CCNY: variants seen among roughly 807,000 people sequenced by gnomAD.
CCNY encodes the protein cyclin-Y.
CCNY carries 19 observed loss-of-function variants against 42.8 expected under a neutral mutation model. That is an observed-to-expected ratio of 0.44 (90% confidence interval 0.31 to 0.65). CCNY has a LOEUF of 0.65. CCNY is among the 30% of genes least tolerant of loss of function. CCNY has a pLI of 0.07. For synonymous variants in CCNY, 165 were observed against 162.7 expected (o/e 1.01, Z -0.11); for missense variants, 370 against 437.3 (o/e 0.85, Z 1.37).
At chr10:35,443,555 A>G (rs116443430) in intron 1 of CCNY, among the ~76,000 whole-genome samples, 3,076 of 152,302 alleles carry the variant, frequency 0.02, 88 homozygotes, top group African/African-American at 0.06. Flanking sequence ...TCTGTAGAAA[A>G]TGAAGTAGAG....
intron 1 of CCNY, among the ~76,000 whole-genome samples, chr10:35,407,779 A>G (rs1174738427): frequency 6.6e-6 from 1 of 152,122 alleles, no homozygotes; most frequent in African/African-American, 2.4e-5. Context: ...AAGGGTAGAG[A>G]CACGGAGAAG....
chr10:35,254,137 A>G lies in CCNY; in HGVS notation c.-9+3511A>G, dbSNP rs1268934252. On this transcript the variant is annotated intron_variant, in intron 3 of 11. Transcript: ENST00000374706. ...TGTGATCCGCCGGCCTCAGCCTCCC[A>G]AAGTGCTGGGATTACAGGCATGAGC... Among the ~76,000 whole-genome samples, 6 of 152,088 alleles carry G rather than the reference A, an allele frequency of 3.9e-5. No homozygotes were observed. The East Asian group carries it at 7.7e-4, about 20-fold the overall frequency.
intron 1 of CCNY, among the ~76,000 whole-genome samples, chr10:35,442,926 A>G (rs1227429840): frequency 1.3e-5 from 2 of 152,234 alleles, no homozygotes; most frequent in East Asian, 3.8e-4. Context: ...GCTGCATAGT[A>G]TAGCCTGTTG....
At position 35,516,661 on chromosome 10, in the gene CCNY, C is replaced by CTTTTTTTTTTT. The variant is rs35268084; in HGVS notation, c.365+55_365+65dup. 45 of 327,616 alleles carry CTTTTTTTTTTT rather than the reference C, an allele frequency of 1.4e-4. 1 individual carries two copies. In the African/African-American group the frequency reaches 1.6e-3, roughly 12 times the overall value. The allele number at this position is 327,616 out of a possible 1,614,324, so 20.3% of individuals were successfully genotyped here. ...ATTTATTTCCTTCCTTCCTTCCTTC[C>CTTTTTTTTTTT]TTTTTTTTTTTTTTTTTTTTTTTTT... On this transcript the variant is annotated intron_variant, in intron 4 of 9. Coordinates refer to ENST00000374704, the MANE Select transcript of CCNY (RefSeq NM_145012.6).
At chr10:35,328,336 C>T (rs146293162) in intron 3 of CCNY, among the ~76,000 whole-genome samples, 1 of 152,284 alleles carries the variant, frequency 6.6e-6, no homozygotes, top group East Asian at 1.9e-4. Context: ...AATCCTGGGG[C>T]TGATACCAAA....
chr10:35,377,554 C>G (rs1837080917), intron 1 of CCNY, among the ~76,000 whole-genome samples: 1 of 152,084 alleles, frequency 6.6e-6, no homozygotes, highest in Admixed American at 6.5e-5. Context: ...AACAAAATTA[C>G]CTAACAATAC....
intron 3 of CCNY, among the ~76,000 whole-genome samples, chr10:35,310,892 G>C (rs1260456354): frequency 6.6e-6 from 1 of 152,166 alleles, no homozygotes; most frequent in Non-Finnish European, 1.5e-5. Flanking sequence ...TGTAATCCTA[G>C]TACTTTGGGA....
chr10:35,443,379 T>G (rs573021821), intron 1 of CCNY, among the ~76,000 whole-genome samples: 11 of 152,240 alleles, frequency 7.2e-5, no homozygotes, highest in Non-Finnish European at 1.3e-4. Context: ...TACAGAAATA[T>G]TTTTTTCTTT....
intron 3 of CCNY, chr10:35,327,574 TC>T (rs1408496634): frequency 6.6e-6 from 1 of 152,232 alleles, no homozygotes; most frequent in African/African-American, 2.4e-5. Flanking sequence ...TATTTTTACT[TC>T]CTGAGAAGTG....
intron 1 of CCNY, among the ~76,000 whole-genome samples, chr10:35,361,473 A>C (rs1204159019): frequency 6.6e-6 from 1 of 152,100 alleles, no homozygotes; most frequent in Non-Finnish European, 1.5e-5. Context: ...TTTTCTTTTA[A>C]TTTTTTAAAA....
chr10:35,284,134 T>C (rs1250398001), intron 3 of CCNY, among the ~76,000 whole-genome samples: 1 of 152,122 alleles, frequency 6.6e-6, no homozygotes, highest in East Asian at 1.9e-4. Flanking sequence ...GAGGTATGCT[T>C]TACAGATCAT....
intron 1 of CCNY, among the ~76,000 whole-genome samples, chr10:35,426,454 C>T (rs1019534667): frequency 6.6e-6 from 1 of 152,324 alleles, no homozygotes; most frequent in East Asian, 1.9e-4. Flanking sequence ...TGTTGGTGCA[C>T]ATAGTTCACT....
chr10:35,255,281 T>C (rs2095714689), intron 3 of CCNY, among the ~76,000 whole-genome samples: 1 of 152,106 alleles, frequency 6.6e-6, no homozygotes, highest in South Asian at 2.1e-4. Flanking sequence ...GTGCTTTACA[T>C]ATTTTGATGG....
At chr10:35,283,592 A>G (rs1277431210) in intron 3 of CCNY, among the ~76,000 whole-genome samples, 2 of 152,020 alleles carry the variant, frequency 1.3e-5, no homozygotes, top group African/African-American at 4.8e-5. Context: ...TTTAGTAGAG[A>G]TGGGGTTTCA....
intron 7 of CCNY, among the ~76,000 whole-genome samples, chr10:35,547,290 A>G (rs1188073819): frequency 6.6e-6 from 1 of 152,144 alleles, no homozygotes; most frequent in Non-Finnish European, 1.5e-5. Flanking sequence ...AAATCTCCAA[A>G]AATTGATAAG....
intron 3 of CCNY, among the ~76,000 whole-genome samples, chr10:35,254,099 G>A (rs572556717): frequency 1.8e-4 from 27 of 152,012 alleles, no homozygotes; most frequent in Non-Finnish European, 3.5e-4. Flanking sequence ...GGATGGTCTC[G>A]ATCTCCTAAC....
chr10:35,310,237 T>G (rs999113694), intron 3 of CCNY, among the ~76,000 whole-genome samples: 1 of 152,246 alleles, frequency 6.6e-6, no homozygotes, highest in Non-Finnish European at 1.5e-5. Context: ...TCAACTCATG[T>G]TGCTGCAAAT....
chr10:35,368,145 A>G (rs1192999568), intron 1 of CCNY, among the ~76,000 whole-genome samples: 2 of 152,204 alleles, frequency 1.3e-5, no homozygotes, highest in African/African-American at 4.8e-5. Flanking sequence ...TATTTGGGAA[A>G]TCAGCTTTGT....
intron 1 of CCNY, among the ~76,000 whole-genome samples, chr10:35,438,365 A>C (rs1340476436): frequency 6.6e-6 from 1 of 151,956 alleles, no homozygotes; most frequent in East Asian, 1.9e-4. Context: ...TATGTTTCCC[A>C]GGCTAGTCTT....
Sources: allele counts gnomAD v4.1 joint callset (sites outside exome capture counted in the v4.1 genomes callset), GRCh38; gene constraint gnomAD v4.1.1; transcripts MANE v1.5; gene names NCBI Gene and HGNC (gene_info 2026-07-23, HGNC 2026-07-21).